The following CCDC150 variants were observed in gnomAD, a reference collection of about 807,000 sequenced individuals.
The protein encoded by CCDC150 is coiled-coil domain containing 150, also known as coiled-coil domain-containing protein 150.
A neutral mutation model predicts 156.5 loss-of-function variants in CCDC150; 151 were observed. The ratio of observed to expected loss-of-function variants is 0.97; its 90% CI spans 0.85 to 1.10. CCDC150 has a LOEUF of 1.10. Ranked by LOEUF, CCDC150 falls within the 50% of genes least tolerant of loss-of-function variation. The probability of loss-of-function intolerance (pLI) is 0.00; values close to 1 mark genes in which losing one functional copy is unlikely to be tolerated. For missense variants in CCDC150, 1,312 were observed against 1,268.1 expected (o/e 1.03, Z -0.53); for synonymous variants, 452 against 429.4 (o/e 1.05, Z -0.65).
At chr2:196,705,348 C>A (rs1696544054) in intron 15 of CCDC150, among the ~76,000 whole-genome samples, 1 of 152,092 alleles carries the variant, frequency 6.6e-6, no homozygotes, top group Non-Finnish European at 1.5e-5. Flanking sequence ...TGCATAAATG[C>A]CTTCTTTTGA....
At chr2:196,658,733 T>G in intron 4 of CCDC150, 59 bp from the exon 5 acceptor site, 1 of 1,285,314 alleles carries the variant, frequency 7.8e-7, no homozygotes, top group Non-Finnish European at 1.1e-6. Context: ...GATATACCTA[T>G]AGACAATTTC....
chr2:196,706,140 C>T (rs868462949), intron 15 of CCDC150, among the ~76,000 whole-genome samples: 40 of 151,788 alleles, frequency 2.6e-4, no homozygotes, highest in African/African-American at 4.1e-4. Flanking sequence ...TATGGCCATA[C>T]GGCATTATGG....
At chr2:196,721,151 G>GT (rs1697858814) in intron 20 of CCDC150, among the ~76,000 whole-genome samples, 1 of 150,904 alleles carries the variant, frequency 6.6e-6, no homozygotes, top group Non-Finnish European at 1.5e-5. Context: ...CAGTGGACAG[G>GT]TTTTTTTCTT....
At chr2:196,708,710 A>C (rs1696866256) in intron 15 of CCDC150, among the ~76,000 whole-genome samples, 1 of 152,222 alleles carries the variant, frequency 6.6e-6, no homozygotes, top group Non-Finnish European at 1.5e-5. Context: ...TGGTGGTGAC[A>C]AAATATCTCA....
chr2:196,692,714 A>G (rs1049484399), intron 13 of CCDC150, among the ~76,000 whole-genome samples: 1 of 152,116 alleles, frequency 6.6e-6, no homozygotes, highest in Non-Finnish European at 1.5e-5. Context: ...GTTCTTTCAC[A>G]TTTGCTGAGG....
intron 22 of CCDC150, chr2:196,727,069 AAAATAGAAAACAATTAAGTC>A (rs1698248905): frequency 6.6e-6 from 1 of 152,218 alleles, no homozygotes; most frequent in Non-Finnish European, 1.5e-5. Flanking sequence ...AGTTCAGTTG[AAAATAGAAAACAATTAAGTC>A]AGAAAGCCCA....
chr2:196,679,239 C>A (rs1694678378), intron 13 of CCDC150, among the ~76,000 whole-genome samples: 1 of 152,042 alleles, frequency 6.6e-6, no homozygotes, highest in African/African-American at 2.4e-5. Context: ...CACATAAAAT[C>A]ATGTAACCAC....
At chr2:196,680,815 C>T (rs979392170) in intron 13 of CCDC150, among the ~76,000 whole-genome samples, 2 of 152,194 alleles carry the variant, frequency 1.3e-5, no homozygotes, top group Non-Finnish European at 2.9e-5. Context: ...TCCAAAGTGG[C>T]TACACCATTT....
Position 196,720,587 on chromosome 2 carries a change from A to G in CCDC150, c.2178A>G (p.Gln726=), listed in dbSNP as rs369765130. The G allele has an allele frequency of 3.7e-6, 6 of 1,613,692 alleles. No homozygotes were observed. The African/African-American group carries it at 8.0e-5, about 22-fold the overall frequency. The change falls in exon 20 of 28, where the codon CAA becomes CAG. Residue 726 remains glutamine, a synonymous_variant. Coordinates refer to ENST00000389175, the MANE Select transcript of CCDC150 (RefSeq NM_001080539.2). The part of the protein sequence containing the change: ...AGLKKERDLN[Q]QRVQKLEAEV... Reference sequence around the variant, plus strand: ...TTTTTATTTTTAGGGATCTCAATCAACAGAGGGTGCAGAAGCTGGAAGCTG... The same window carrying G: ...TTTTTATTTTTAGGGATCTCAATCAGCAGAGGGTGCAGAAGCTGGAAGCTG...
At chr2:196,705,380 C>T (rs574820932) in intron 15 of CCDC150, among the ~76,000 whole-genome samples, 6 of 152,274 alleles carry the variant, frequency 3.9e-5, no homozygotes, top group Non-Finnish European at 5.9e-5. Context: ...TCATATCCTT[C>T]GCCAACTTTT....
At chr2:196,692,367 C>G (rs1419885137) in intron 13 of CCDC150, among the ~76,000 whole-genome samples, 2 of 151,498 alleles carry the variant, frequency 1.3e-5, no homozygotes, top group East Asian at 2.0e-4. Flanking sequence ...ATCTCCTGAC[C>G]TCATGATCCA....
chr2:196,702,688 A>G (rs990228669), intron 15 of CCDC150, among the ~76,000 whole-genome samples: 11 of 151,636 alleles, frequency 7.3e-5, no homozygotes, highest in African/African-American at 2.7e-4. Flanking sequence ...GATGATTCCA[A>G]TGTTACAACC....
At chr2:196,708,491 AT>A in intron 15 of CCDC150, among the ~76,000 whole-genome samples, 1 of 152,128 alleles carries the variant, frequency 6.6e-6, no homozygotes, top group Non-Finnish European at 1.5e-5. Context: ...TAATTGGGGC[AT>A]TTAGTCCATT....
chr2:196,731,956 A>G, intron 26 of CCDC150, 77 bp from the exon 27 acceptor site: 2 of 1,436,124 alleles, frequency 1.4e-6, no homozygotes, highest in South Asian at 1.3e-5. Context: ...TCTAAGTAAA[A>G]AATCTCTGCA....
intron 13 of CCDC150, 64 bp downstream of exon 13, chr2:196,677,425 C>A: frequency 9.3e-7 from 1 of 1,071,324 alleles, no homozygotes; most frequent in Non-Finnish European, 1.4e-6. Context: ...ACTACCGTAT[C>A]AGCTTATCTT....
In CCDC150 at chr2:196,654,227, C is replaced by T. The variant is rs1037442658; in HGVS notation, c.177-2406C>T. Reference sequence around the variant, plus strand: ...TGTCTAAGTATGGGACTATGGAACTCTTGAGTTCATCTTATTTGTTGTCCT... The same window carrying T: ...TGTCTAAGTATGGGACTATGGAACTTTTGAGTTCATCTTATTTGTTGTCCT... On this transcript the variant is annotated intron_variant, in intron 2 of 27. Coordinates refer to ENST00000389175, the MANE Select transcript of CCDC150 (RefSeq NM_001080539.2). Among the ~76,000 whole-genome samples the T allele has an allele frequency of 1.6e-4, 25 of 152,266 alleles. No individual in the cohort carries two copies. In the South Asian group the frequency reaches 5.2e-3, roughly 32 times the overall value.
chr2:196,662,964 A>G (rs1302729174), intron 5 of CCDC150, among the ~76,000 whole-genome samples: 1 of 152,082 alleles, frequency 6.6e-6, no homozygotes, highest in Non-Finnish European at 1.5e-5. Flanking sequence ...ACTGCCAGGC[A>G]TGGTGGCTCA....
intron 16 of CCDC150, 143 bp from the exon 17 acceptor site, chr2:196,712,534 T>C (rs1235249350): frequency 4.8e-6 from 3 of 626,148 alleles, no homozygotes; most frequent in East Asian, 5.5e-5. Context: ...AGTTATGCTT[T>C]TCAGAAAAAT....
chr2:196,720,629 G>A lies in CCDC150; in HGVS notation c.2220G>A (p.Gln740=), dbSNP rs377146200. 3 of 1,613,766 alleles carry A rather than the reference G, an allele frequency of 1.9e-6. No homozygotes were observed. The highest frequency in any genetic ancestry group is 1.3e-5 in the African/African-American group (1 of 74,924). Reference sequence around the variant, plus strand: ...TGGAAGCTGAAGTGGACCAGTGGCAGGCCAGGATGCTTGTCATGGAGGACC... The same window carrying A: ...TGGAAGCTGAAGTGGACCAGTGGCAAGCCAGGATGCTTGTCATGGAGGACC... ...QKLEAEVDQW[Q]ARMLVMEDQH... is the part of the protein sequence containing the mutation. The change falls in exon 20 of 28, where the codon CAG becomes CAA. Residue 740 remains glutamine (Q), a synonymous_variant. Transcript: ENST00000389175.
Sources: allele counts gnomAD v4.1 joint callset (sites outside exome capture counted in the v4.1 genomes callset), GRCh38; gene constraint gnomAD v4.1.1; transcripts MANE v1.5; gene names NCBI Gene and HGNC (gene_info 2026-07-23, HGNC 2026-07-21).